Variants in PPFIBP1 observed in about 807,000 individuals in gnomAD.
The protein encoded by PPFIBP1 is liprin-beta-1.
A neutral mutation model predicts 137.8 loss-of-function variants in PPFIBP1; 112 were observed. The observed-to-expected ratio is 0.81, with a 90% CI of 0.70 to 0.95. The LOEUF is 0.95. Among genes scored for constraint, PPFIBP1 ranks in the 40% least tolerant of loss-of-function variants. The probability of loss-of-function intolerance (pLI) is 0.00; values close to 1 mark genes in which losing one functional copy is unlikely to be tolerated. For synonymous variants in PPFIBP1, 378 were observed against 417.3 expected (o/e 0.91, Z 1.15); for missense variants, 1,083 against 1,196.6 (o/e 0.91, Z 1.40).
At chr12:27,562,132 G>A (rs1475446175) in intron 1 of PPFIBP1, among the ~76,000 whole-genome samples, 1 of 152,056 alleles carries the variant, frequency 6.6e-6, no homozygotes, top group Non-Finnish European at 1.5e-5. Context: ...TCTCTCCATA[G>A]TATCACTGTC....
At chr12:27,676,214 T>A (rs916972936) in intron 17 of PPFIBP1, among the ~76,000 whole-genome samples, 1 of 152,250 alleles carries the variant, frequency 6.6e-6, no homozygotes, top group African/African-American at 2.4e-5. Flanking sequence ...CATGTTTTCC[T>A]TGTTGCTTTT....
At chr12:27,591,050 C>G (rs1490847792) in intron 2 of PPFIBP1, among the ~76,000 whole-genome samples, 1 of 151,756 alleles carries the variant, frequency 6.6e-6, no homozygotes, top group Non-Finnish European at 1.5e-5. Context: ...ATATATTTGC[C>G]TGATTTTATC....
chr12:27,560,731 A>G (rs868047703), intron 1 of PPFIBP1, among the ~76,000 whole-genome samples: 1 of 152,210 alleles, frequency 6.6e-6, no homozygotes, highest in Non-Finnish European at 1.5e-5. Context: ...TTGAAAGGGC[A>G]CAAAGTCAGG....
At chr12:27,625,444 A>G (rs1374672642) in intron 2 of PPFIBP1, among the ~76,000 whole-genome samples, 1 of 152,150 alleles carries the variant, frequency 6.6e-6, no homozygotes, top group Non-Finnish European at 1.5e-5. Flanking sequence ...TCTCTAAAAA[A>G]TAAGGACTCA....
At chr12:27,539,208 A>T (rs1158974839) in intron 1 of PPFIBP1, among the ~76,000 whole-genome samples, 1 of 152,256 alleles carries the variant, frequency 6.6e-6, no homozygotes, top group African/African-American at 2.4e-5. Flanking sequence ...GGCAAACACC[A>T]AAAGGCTTAA....
intron 1 of PPFIBP1, among the ~76,000 whole-genome samples, chr12:27,542,256 A>G (rs1945753912): frequency 6.6e-6 from 1 of 152,220 alleles, no homozygotes; most frequent in Non-Finnish European, 1.5e-5. Flanking sequence ...AGTAATCCAG[A>G]GATGATTTAA....
chr12:27,654,508 A>G (rs1433745639), intron 7 of PPFIBP1: 2 of 480,444 alleles, frequency 4.2e-6, no homozygotes, highest in Non-Finnish European at 6.9e-6. Context: ...CCATCACTTT[A>G]GGGCAGACGC....
intron 1 of PPFIBP1, among the ~76,000 whole-genome samples, chr12:27,561,119 A>G (rs1023640523): frequency 2.0e-5 from 3 of 152,124 alleles, no homozygotes; most frequent in Non-Finnish European, 2.9e-5. Context: ...TAGGGAGGGA[A>G]TAGTGAGGAG....
At chr12:27,669,958 C>T (rs145832383) in intron 13 of PPFIBP1, among the ~76,000 whole-genome samples, 9 of 152,236 alleles carry the variant, frequency 5.9e-5, no homozygotes, top group Non-Finnish European at 8.8e-5. Context: ...AAGTGAGAGT[C>T]GACATCCACT....
intron 2 of PPFIBP1, among the ~76,000 whole-genome samples, chr12:27,613,622 G>A (rs1169989111): frequency 6.6e-5 from 10 of 150,842 alleles, no homozygotes; most frequent in Non-Finnish European, 7.4e-5. Flanking sequence ...AGAATCGCTC[G>A]AACCTGGGAG....
chr12:27,593,984 G>A, intron 2 of PPFIBP1: 1 of 1,390,812 alleles, frequency 7.2e-7, no homozygotes, highest in Middle Eastern at 1.9e-4. Flanking sequence ...GATCAGGTTG[G>A]AATTGGATTT....
chr12:27,648,282 T>C (rs774778423), intron 6 of PPFIBP1, among the ~76,000 whole-genome samples: 43 of 151,926 alleles, frequency 2.8e-4, no homozygotes, highest in Non-Finnish European at 4.7e-4. Context: ...GAAATGCAAA[T>C]CAAAACTGTA....
chr12:27,685,338 C>T (rs928497538), intron 24 of PPFIBP1, among the ~76,000 whole-genome samples: 5 of 151,912 alleles, frequency 3.3e-5, no homozygotes, highest in South Asian at 2.1e-4. Flanking sequence ...ATTATTATCC[C>T]TACTTTTTTA....
intron 4 of PPFIBP1, 161 bp downstream of exon 4, chr12:27,635,276 A>G: frequency 1.4e-6 from 1 of 706,794 alleles, no homozygotes; most frequent in Non-Finnish European, 2.3e-6. Flanking sequence ...TCTAAGGATA[A>G]CTTTTTAAAA....
chr12:27,646,383 C>A, intron 5 of PPFIBP1: 1 of 530,780 alleles, frequency 1.9e-6, no homozygotes, highest in South Asian at 1.6e-5. Context: ...AGTCTGAATA[C>A]GGGCACAATG....
At chr12:27,605,202 T>C (rs554419652) in intron 2 of PPFIBP1, among the ~76,000 whole-genome samples, 1 of 152,176 alleles carries the variant, frequency 6.6e-6, no homozygotes, top group East Asian at 1.9e-4. Context: ...TAGTCAAGGC[T>C]TTGAAAAATC....
Position 27,670,311 on chromosome 12 carries a change from T to G in PPFIBP1, c.1147-1120T>G, listed in dbSNP as rs549980351. Among the ~76,000 whole-genome samples the G allele has an allele frequency of 2.0e-5, 3 of 152,326 alleles. No homozygotes were observed. The East Asian group carries it at 5.8e-4, about 29-fold the overall frequency. On this transcript the variant is annotated intron_variant, in intron 13 of 29. Transcript: ENST00000228425. Reference sequence around the variant, plus strand: ...TTTATATGTTGCTGTAATATTATTATTATCATTAAGCAAAGTGTTTTAAGT... The same window carrying G: ...TTTATATGTTGCTGTAATATTATTAGTATCATTAAGCAAAGTGTTTTAAGT...
At chr12:27,608,569 A>T (rs962407081) in intron 2 of PPFIBP1, among the ~76,000 whole-genome samples, 2 of 152,174 alleles carry the variant, frequency 1.3e-5, no homozygotes, top group African/African-American at 4.8e-5. Flanking sequence ...CCTCTTAAGT[A>T]AAAGCATTTA....
intron 1 of PPFIBP1, among the ~76,000 whole-genome samples, chr12:27,567,796 G>A (rs1234121419): frequency 6.6e-6 from 1 of 152,192 alleles, no homozygotes; most frequent in East Asian, 1.9e-4. Context: ...TGGTCTCAGT[G>A]AAGTTTAATC....
Sources: gnomAD v4.1 joint callset for allele counts (sites outside exome capture counted in the v4.1 genomes callset) on GRCh38, gnomAD v4.1.1 for gene constraint, MANE v1.5 for transcripts, NCBI Gene and HGNC (gene_info 2026-07-23, HGNC 2026-07-21) for gene names.